HOOK1: variants seen among roughly 807,000 people sequenced by gnomAD.
The protein encoded by HOOK1 is hook microtubule tethering protein 1, also known as protein Hook homolog 1.
In HOOK1, 60 loss-of-function variants were observed where a neutral mutation model predicts 112.8. The observed-to-expected ratio is 0.53, with a 90% confidence interval of 0.43 to 0.66. The LOEUF (loss-of-function observed/expected upper bound fraction) is 0.66. Among genes scored for constraint, HOOK1 ranks in the 30% least tolerant of loss-of-function variants. The probability of loss-of-function intolerance (pLI) is 0.00; values close to 1 mark genes in which losing one functional copy is unlikely to be tolerated. For synonymous variants in HOOK1, 294 were observed against 283.8 expected (o/e 1.04, Z -0.36); for missense variants, 770 against 856.0 (o/e 0.90, Z 1.25).
At chr1:59,855,245 C>A (rs967954457) in intron 12 of HOOK1, among the ~76,000 whole-genome samples, 2 of 152,170 alleles carry the variant, frequency 1.3e-5, no homozygotes, top group Non-Finnish European at 2.9e-5. Context: ...AGGTATTAAG[C>A]CCAGTACCCA....
chr1:59,839,200 T>C (rs779852654), intron 7 of HOOK1, among the ~76,000 whole-genome samples: 16 of 152,198 alleles, frequency 1.1e-4, no homozygotes, highest in Non-Finnish European at 1.8e-4. Context: ...TGGTTCCATA[T>C]GAAGATTAAA....
chr1:59,846,709 GTTA>G (rs2102041678), intron 9 of HOOK1, among the ~76,000 whole-genome samples: 1 of 149,424 alleles, frequency 6.7e-6, no homozygotes, highest in Non-Finnish European at 1.5e-5. Context: ...TTGTCTTTTT[GTTA>G]TTGTTTAGTT....
chr1:59,837,927 G>A (rs1310858541), intron 7 of HOOK1, among the ~76,000 whole-genome samples: 3 of 151,998 alleles, frequency 2.0e-5, no homozygotes, highest in African/African-American at 7.3e-5. Flanking sequence ...TCCCACTTAT[G>A]AGTGAGAACA....
At chr1:59,842,864 C>T (rs1015742988) in intron 8 of HOOK1, among the ~76,000 whole-genome samples, 2 of 152,024 alleles carry the variant, frequency 1.3e-5, no homozygotes, top group Non-Finnish European at 2.9e-5. Flanking sequence ...TGTGGTTCTA[C>T]ACTAACATGT....
chr1:59,859,036 TG>T lies in HOOK1; in HGVS notation c.1384del (p.Glu462AsnfsTer35). ...AATCTTGCTGCTGAGATTATGCCAG[TG>T]GAATATAGGTAAATTTGTTTCATAA... ...YENLAAEIMP[V>X]EYREVFIRLQ... On this transcript the variant is annotated frameshift_variant, in exon 14 of 22. Transcript: ENST00000371208. LOFTEE classifies it high-confidence loss of function. The T allele has an allele frequency of 6.5e-7, 1 of 1,531,434 alleles. No homozygotes were observed. Among genetic ancestry groups the T allele is most frequent in the Non-Finnish European group, 8.9e-7 (1 of 1,122,272 alleles). 94.9% of individuals were successfully genotyped at this position (1,531,434 alleles called of 1,614,324 possible).
At chr1:59,825,086 T>C (rs1278276247) in intron 2 of HOOK1, among the ~76,000 whole-genome samples, 7 of 152,350 alleles carry the variant, frequency 4.6e-5, no homozygotes, top group African/African-American at 1.7e-4. Context: ...CTCTACTCTG[T>C]CTTCACATGG....
At chr1:59,823,024 C>A (rs1222166587) in intron 2 of HOOK1, among the ~76,000 whole-genome samples, 1 of 152,036 alleles carries the variant, frequency 6.6e-6, no homozygotes, top group Non-Finnish European at 1.5e-5. Context: ...AAAAATATTT[C>A]TTAAATGTTT....
Position 59,858,404 on chromosome 1 carries a change from G to A in HOOK1, c.1243-24G>A, listed in dbSNP as rs538936558. 6.6e-5 allele frequency: 91 copies of A among 1,389,184 alleles called. 1 individual carries two copies. The South Asian group carries it at 9.5e-4, about 14-fold the overall frequency. 86.1% of individuals were successfully genotyped at this position (1,389,184 alleles called of 1,614,324 possible). On this transcript the variant is annotated intron_variant, in intron 12 of 21. Transcript: ENST00000371208. ...GTTTATAGGCAGAATTAAATACTTTGCTGATATCAACAATTCTTTTCAGAG... is the reference window on the plus strand; with the variant it reads ...GTTTATAGGCAGAATTAAATACTTTACTGATATCAACAATTCTTTTCAGAG...
intron 2 of HOOK1, among the ~76,000 whole-genome samples, chr1:59,826,277 G>T (rs1407142240): frequency 1.3e-5 from 2 of 151,850 alleles, no homozygotes; most frequent in Non-Finnish European, 2.9e-5. Flanking sequence ...TATAAGAAAA[G>T]GAGCTAATTA....
At chr1:59,837,809 T>C (rs1163315062) in intron 7 of HOOK1, among the ~76,000 whole-genome samples, 1 of 152,086 alleles carries the variant, frequency 6.6e-6, no homozygotes, top group Non-Finnish European at 1.5e-5. Flanking sequence ...ACCTGTTACC[T>C]ACATTAGGTA....
rs1027166479 is a variant in HOOK1, at chr1:59,867,938, G to T, written c.1846-312G>T. ...ATAAATACAGAAAGGATTATTTCAA[G>T]ACTTTAATGCCTAAAGTTTGAGTAT... On this transcript the variant is annotated intron_variant, in intron 19 of 21. Coordinates refer to ENST00000371208, the MANE Select transcript of HOOK1 (RefSeq NM_015888.6). Among the ~76,000 whole-genome samples, 5 of 152,084 alleles carry T rather than the reference G, an allele frequency of 3.3e-5. No homozygotes were observed. The South Asian group carries it at 6.2e-4, about 19-fold the overall frequency.
chr1:59,866,576 G>A (rs1288938345), intron 19 of HOOK1, among the ~76,000 whole-genome samples: 1 of 152,094 alleles, frequency 6.6e-6, no homozygotes, highest in East Asian at 1.9e-4. Flanking sequence ...TCAGCATAGG[G>A]ATCCCAGGTT....
intron 19 of HOOK1, among the ~76,000 whole-genome samples, chr1:59,868,001 T>C (rs1643996572): frequency 6.6e-6 from 1 of 152,146 alleles, no homozygotes; most frequent in African/African-American, 2.4e-5. Context: ...TACTGAGCCT[T>C]GGAGAAGGGA....
rs1318408797 is a variant in HOOK1, at chr1:59,815,186, T to G, written c.63+6T>G. ...GCGACAGCCTCATGATCTGGGTGAG[T>G]GCGAGGAGGCGAGAGGGCGAGGGGG... On this transcript the variant is annotated splice_donor_region_variant and intron_variant, in intron 1 of 21. Coordinates refer to ENST00000371208, the MANE Select transcript of HOOK1 (RefSeq NM_015888.6). 3 of 1,542,556 alleles carry G rather than the reference T, an allele frequency of 1.9e-6. No individual in the cohort carries two copies. The highest frequency in any genetic ancestry group is 2.6e-6 in the Non-Finnish European group (3 of 1,146,200).
chr1:59,821,999 GA>G (rs2098386040), intron 2 of HOOK1, 56 bp downstream of exon 2: 1 of 1,365,658 alleles, frequency 7.3e-7, no homozygotes, highest in African/African-American at 1.4e-5. Flanking sequence ...ACATACCAAG[GA>G]AGAAAACTTG....
intron 6 of HOOK1, among the ~76,000 whole-genome samples, chr1:59,836,646 A>G (rs569694240): frequency 3.9e-5 from 6 of 152,282 alleles, no homozygotes; most frequent in East Asian, 1.9e-4. Context: ...GAATATATCT[A>G]TGTATTTAAA....
At chr1:59,851,578 CTA>C (rs2098407171) in intron 12 of HOOK1, among the ~76,000 whole-genome samples, 1 of 151,450 alleles carries the variant, frequency 6.6e-6, no homozygotes. Context: ...TCAGGATTAT[CTA>C]TATGTAAGAT....
chr1:59,842,921 G>A (rs1214235809), intron 8 of HOOK1, among the ~76,000 whole-genome samples: 1 of 151,932 alleles, frequency 6.6e-6, no homozygotes, highest in Non-Finnish European at 1.5e-5. Flanking sequence ...TGTACAAATG[G>A]AAACAGCTTA....
At chr1:59,821,996 A>G in intron 2 of HOOK1, 53 bp downstream of exon 2, 3 of 1,389,966 alleles carry the variant, frequency 2.2e-6, no homozygotes, top group South Asian at 1.2e-5. Flanking sequence ...AATACATACC[A>G]AGGAAGAAAA....
Sources: allele counts gnomAD v4.1 joint callset (sites outside exome capture counted in the v4.1 genomes callset), GRCh38; gene constraint gnomAD v4.1.1; transcripts MANE v1.5; gene names NCBI Gene and HGNC (gene_info 2026-07-23, HGNC 2026-07-21).